The following PPP1R1C variants were observed in gnomAD, a reference collection of about 807,000 sequenced individuals.
PPP1R1C encodes the protein protein phosphatase 1 regulatory subunit 1C.
A neutral mutation model predicts 17.4 loss-of-function variants in PPP1R1C; 15 were observed. The observed-to-expected ratio is 0.86, with a 90% CI of 0.58 to 1.33. PPP1R1C has a LOEUF of 1.33. Among genes scored for constraint, PPP1R1C ranks in the 40% most tolerant of loss-of-function variants. The pLI is 0.00. For missense variants in PPP1R1C, 143 were observed against 130.0 expected (o/e 1.10, Z -0.48); for synonymous variants, 35 against 43.1 (o/e 0.81, Z 0.73).
intron 4 of PPP1R1C, among the ~76,000 whole-genome samples, chr2:182,097,222 A>C (rs1015460355): frequency 6.6e-6 from 1 of 152,168 alleles, no homozygotes; most frequent in African/African-American, 2.4e-5. Context: ...GTTTTTCATT[A>C]GAGTCCTTTA....
chr2:182,118,958 G>A (rs1017570964), downstream of PPP1R1C, among the ~76,000 whole-genome samples: 3 of 151,086 alleles, frequency 2.0e-5, no homozygotes, highest in Admixed American at 2.0e-4. Context: ...CAACATGCAG[G>A]TTTGTTACAT....
intron 1 of PPP1R1C, among the ~76,000 whole-genome samples, chr2:181,965,406 T>C (rs1284295735): frequency 6.6e-6 from 1 of 152,244 alleles, no homozygotes; most frequent in Non-Finnish European, 1.5e-5. Flanking sequence ...ATCAATGTTT[T>C]CTTTTAATGG....
At chr2:182,120,650 C>A (rs1406807265), downstream of PPP1R1C, among the ~76,000 whole-genome samples, 1 of 152,092 alleles carries the variant, frequency 6.6e-6, no homozygotes, top group Non-Finnish European at 1.5e-5. Flanking sequence ...CATCTCAATG[C>A]CCCTTGAGAG....
intron 4 of PPP1R1C, among the ~76,000 whole-genome samples, chr2:182,079,854 G>A (rs147387081): frequency 8.1e-4 from 123 of 152,216 alleles, no homozygotes; most frequent in African/African-American, 2.9e-3. Context: ...ACTCGTTTCT[G>A]TCTCACTCTT....
chr2:181,954,626 T>G (rs1684640485), exon 1 of PPP1R1C: 1 of 152,114 alleles, frequency 6.6e-6, no homozygotes, highest in South Asian at 2.1e-4. Context: ...TCATCACAAC[T>G]GACAAAAGGT....
At chr2:182,127,417 A>G (rs1257410132) in intron 5 of PPP1R1C, among the ~76,000 whole-genome samples, 1 of 152,106 alleles carries the variant, frequency 6.6e-6, no homozygotes, top group Non-Finnish European at 1.5e-5. Context: ...AAAAACCAGC[A>G]AACAACGGTG....
At chr2:182,024,015 A>G (rs577373580) in intron 2 of PPP1R1C, 2 of 152,322 alleles carry the variant, frequency 1.3e-5, no homozygotes, top group Non-Finnish European at 2.9e-5. Context: ...AAATTACAGA[A>G]TATGGTAGGA....
intron 4 of PPP1R1C, among the ~76,000 whole-genome samples, chr2:182,076,191 TCTTTTC>T (rs1177493582): frequency 0.02 from 2,438 of 122,796 alleles, 164 homozygotes; most frequent in African/African-American, 0.066. Context: ...CTTTTTTTTT[TCTTTTC>T]TTTTTTTTTT....
chr2:182,032,975 A>T (rs1197707812), intron 2 of PPP1R1C, among the ~76,000 whole-genome samples: 1 of 151,996 alleles, frequency 6.6e-6, no homozygotes. Context: ...TTTATCTTTT[A>T]TTTCATTTTA....
At chr2:182,012,634 G>T (rs544015981) in intron 2 of PPP1R1C, among the ~76,000 whole-genome samples, 2 of 151,962 alleles carry the variant, frequency 1.3e-5, no homozygotes, top group African/African-American at 2.4e-5. Context: ...GTAAGGACTT[G>T]CTATGGCCAT....
At chr2:182,023,376 A>C (rs1021160173) in intron 2 of PPP1R1C, among the ~76,000 whole-genome samples, 5 of 152,208 alleles carry the variant, frequency 3.3e-5, no homozygotes, top group African/African-American at 1.2e-4. Context: ...GATCTGGATG[A>C]AAAGCTTGAG....
In PPP1R1C at chr2:181,961,191, T is replaced by C; in HGVS notation, n.111+6557T>C. On this transcript the variant is annotated intron_variant and non_coding_transcript_variant, in intron 1 of 5. Coordinates refer to the PPP1R1C transcript ENST00000464264. The surrounding 1 kb of genome is among the most constrained non-coding windows in gnomAD (Gnocchi z 5.8). ...ACCTCCTGCTCCCCAAAGGGTACCC[T>C]GCTTCTGCTGGCTTGATGTCTTAGA... 1.2e-6 allele frequency: 1 copy of C among 858,352 alleles called. No individual in the cohort carries two copies. Among genetic ancestry groups the C allele is most frequent in the Non-Finnish European group, 1.9e-6 (1 of 514,590 alleles). 53.2% of individuals were successfully genotyped at this position (858,352 alleles called of 1,614,324 possible). A position where few individuals can be genotyped will look rare whatever the true frequency, so the allele number is the denominator to read the frequency against.
chr2:182,031,658 T>C (rs545381312), intron 2 of PPP1R1C, among the ~76,000 whole-genome samples: 1 of 152,308 alleles, frequency 6.6e-6, no homozygotes, highest in African/African-American at 2.4e-5. Flanking sequence ...TCAAATATCA[T>C]TTTAGTCCCA....
At chr2:182,014,456 C>T (rs528585991) in intron 2 of PPP1R1C, among the ~76,000 whole-genome samples, 5 of 151,382 alleles carry the variant, frequency 3.3e-5, no homozygotes, top group South Asian at 4.2e-4. Flanking sequence ...ATGCAGGCGT[C>T]GTGTGGCCAC....
intron 2 of PPP1R1C, among the ~76,000 whole-genome samples, chr2:182,059,385 G>T (rs1307789724): frequency 6.6e-6 from 1 of 151,902 alleles, no homozygotes; most frequent in Admixed American, 6.6e-5. Flanking sequence ...TTTGATGAGA[G>T]AGCTAAACAA....
chr2:182,004,210 G>A (rs1387151447), intron 2 of PPP1R1C, among the ~76,000 whole-genome samples: 1 of 152,132 alleles, frequency 6.6e-6, no homozygotes, highest in Non-Finnish European at 1.5e-5. Context: ...TCTAAGTCCT[G>A]TCTTATCTAA....
chr2:182,103,383 A>G (rs562071808), intron 4 of PPP1R1C, among the ~76,000 whole-genome samples: 1 of 152,348 alleles, frequency 6.6e-6, no homozygotes, highest in South Asian at 2.1e-4. Context: ...CTTTGCTTTA[A>G]GTATTCTTCA....
chr2:182,099,906 T>A (rs1363296794), intron 4 of PPP1R1C, among the ~76,000 whole-genome samples: 5 of 152,150 alleles, frequency 3.3e-5, no homozygotes, highest in Non-Finnish European at 7.3e-5. Context: ...GCTGTGAAGA[T>A]TTTGACCTCT....
intron 1 of PPP1R1C, among the ~76,000 whole-genome samples, chr2:181,963,228 C>G (rs1684841011): frequency 6.6e-6 from 1 of 152,072 alleles, no homozygotes; most frequent in Admixed American, 6.5e-5. Flanking sequence ...AGGATAAAAG[C>G]AAGTCATTAA....
Sources: allele counts gnomAD v4.1 joint callset (sites outside exome capture counted in the v4.1 genomes callset), GRCh38; gene constraint gnomAD v4.1.1; non-coding constraint Gnocchi (gnomAD v3.1); transcripts MANE v1.5; gene names NCBI Gene and HGNC (gene_info 2026-07-23, HGNC 2026-07-21).